COL11A1: variants seen among roughly 807,000 people sequenced by gnomAD.
COL11A1 encodes the protein collagen type XI alpha 1 chain.
Under a neutral mutation model 265.2 loss-of-function variants are expected in COL11A1, and 74 were observed. That is an observed-to-expected ratio of 0.28 (90% CI 0.23 to 0.34). The LOEUF (loss-of-function observed/expected upper bound fraction) is 0.34, where lower values mean the gene tolerates loss of function less well. Among genes scored for constraint, COL11A1 ranks in the 10% least tolerant of loss-of-function variants. The probability of loss-of-function intolerance (pLI) is 1.00; values close to 1 mark genes in which losing one functional copy is unlikely to be tolerated. For missense variants in COL11A1, 2,165 were observed against 2,263.6 expected, an observed-to-expected ratio of 0.96 and a Z score of 0.88; for synonymous variants, 816 against 727.6, an observed-to-expected ratio of 1.12 and a Z score of -1.96.
chr1:103,035,372 CA>C (rs1668284116), intron 4 of COL11A1, among the ~76,000 whole-genome samples: 1 of 152,126 alleles, frequency 6.6e-6, no homozygotes, highest in Middle Eastern at 3.4e-3. Context: ...ATTATCACCA[CA>C]AAAATGAGCA....
intron 30 of COL11A1, among the ~76,000 whole-genome samples, chr1:102,986,545 A>G (rs540324606): frequency 1.1e-4 from 16 of 152,170 alleles, no homozygotes; most frequent in Non-Finnish European, 1.9e-4. Context: ...ATTAAAGTAT[A>G]GTAAAAAATA....
intron 1 of COL11A1, among the ~76,000 whole-genome samples, chr1:103,087,364 A>G (rs6577351): frequency 0.2 from 31,044 of 152,114 alleles, 4,991 homozygotes; most frequent in African/African-American, 0.45. Flanking sequence ...TTTCCCATCA[A>G]TCTTCATTCC....
intron 4 of COL11A1, among the ~76,000 whole-genome samples, chr1:103,074,321 T>G (rs989000455): frequency 1.3e-5 from 2 of 151,924 alleles, no homozygotes; most frequent in African/African-American, 4.8e-5. Flanking sequence ...GCAAAGAAAA[T>G]AATACAAACT....
At chr1:102,987,284 A>T (rs1370667017) in intron 30 of COL11A1, among the ~76,000 whole-genome samples, 1 of 151,770 alleles carries the variant, frequency 6.6e-6, no homozygotes, top group African/African-American at 2.4e-5. Flanking sequence ...ATATGAAAGA[A>T]AAGGAATCAT....
At chr1:102,987,846 T>A (rs971326761) in intron 29 of COL11A1, 106 bp from the exon 30 acceptor site, 5 of 835,652 alleles carry the variant, frequency 6.0e-6, no homozygotes, top group Non-Finnish European at 6.1e-6. Flanking sequence ...ATAAACTCCA[T>A]CTTGCCTTTT....
At position 102,898,159 on chromosome 1, in the gene COL11A1, C is replaced by T; in HGVS notation, c.4268G>A (p.Gly1423Glu). The change falls in exon 57 of 67, where the codon GGA becomes GAA. Residue 1423 changes from glycine to glutamate, a missense_variant. Physicochemically the swap from Gly to Glu is moderately conservative, Grantham distance 98 (BLOSUM62 -2). Transcript: ENST00000370096. ...AGGTGGTCCATCTTGGCCTGCAGCT[C>T]CAGGGAGACCTTGTTCTCCCTAGAG... is the stretch of plus-strand genomic sequence containing the variant. Reference protein sequence around the residue: ...PGPVGEQGLPGAAGQDGPPGP... With the variant: ...PGPVGEQGLPEAAGQDGPPGP... 4.7e-6 allele frequency: 7 copies of T among 1,478,382 alleles called. No homozygotes were observed. The highest frequency in any genetic ancestry group is 6.3e-6 in the Non-Finnish European group (7 of 1,105,082). The allele number at this position is 1,478,382 out of a possible 1,614,324, so 91.6% of individuals were successfully genotyped here. A position where few individuals can be genotyped will look rare whatever the true frequency, so the allele number is the denominator to read the frequency against.
chr1:102,886,690 CT>C, intron 63 of COL11A1, 116 bp downstream of exon 63: 1 of 1,388,276 alleles, frequency 7.2e-7, no homozygotes, highest in Non-Finnish European at 1.0e-6. Flanking sequence ...TAATTAATAA[CT>C]GTTTCATTTT....
At chr1:102,998,723 G>A in intron 24 of COL11A1, among the ~76,000 whole-genome samples, 1 of 151,732 alleles carries the variant, frequency 6.6e-6, no homozygotes, top group East Asian at 1.9e-4. Context: ...GGTAAAGATT[G>A]TATTATTTCC....
At chr1:103,099,863 A>T (rs1175597897) in intron 1 of COL11A1, among the ~76,000 whole-genome samples, 2 of 151,952 alleles carry the variant, frequency 1.3e-5, no homozygotes, top group Non-Finnish European at 2.9e-5. Flanking sequence ...GAATTTAAAA[A>T]AGAGGAGTCA....
chr1:103,049,936 C>A (rs1669656676), intron 4 of COL11A1, among the ~76,000 whole-genome samples: 1 of 152,230 alleles, frequency 6.6e-6, no homozygotes, highest in African/African-American at 2.4e-5. Flanking sequence ...CCCCCACTCT[C>A]TTCTGGCTTG....
At chr1:103,074,585 C>A in intron 4 of COL11A1, 33 bp downstream of exon 4, 3 of 1,609,918 alleles carry the variant, frequency 1.9e-6, no homozygotes, top group South Asian at 2.2e-5. Context: ...TCTGATTTGT[C>A]AATATTCAGC....
At chr1:102,958,423 T>A (rs757965288) in intron 41 of COL11A1, among the ~76,000 whole-genome samples, 2 of 152,206 alleles carry the variant, frequency 1.3e-5, no homozygotes, top group Non-Finnish European at 2.9e-5. Context: ...ATACTTCACA[T>A]CTAGAAAACC....
intron 4 of COL11A1, among the ~76,000 whole-genome samples, chr1:103,042,700 C>A (rs965794883): frequency 6.6e-6 from 1 of 152,032 alleles, no homozygotes; most frequent in Non-Finnish European, 1.5e-5. Context: ...AGAACTACAG[C>A]TCCTCACTGA....
chr1:103,024,489 T>A (rs1571073524), intron 7 of COL11A1, among the ~76,000 whole-genome samples: 2 of 152,304 alleles, frequency 1.3e-5, no homozygotes, highest in African/African-American at 4.8e-5. Flanking sequence ...AATTTTTCAC[T>A]AAAATTAAAT....
At chr1:102,914,621 C>T in intron 51 of COL11A1, 83 bp downstream of exon 51, 2 of 1,106,180 alleles carry the variant, frequency 1.8e-6, no homozygotes, top group South Asian at 1.3e-5. Flanking sequence ...GTTCCAGAGT[C>T]TCAGGATTTC....
In COL11A1 at chr1:102,948,241, A is replaced by T. The variant is rs576329553; in HGVS notation, c.3169-1285T>A. 7.2e-5 allele frequency among the ~76,000 whole-genome samples: 11 copies of T among 152,148 alleles called. 1 individual carries two copies. The highest frequency in any genetic ancestry group is 2.6e-4 in the African/African-American group (11 of 41,570). ...CACAAATCAGTTTAACTTTCATCTT[A>T]TTTTATTCTCACAACAATTCCAGGT... On this transcript the variant is annotated intron_variant, in intron 41 of 66. Coordinates refer to ENST00000370096, the MANE Select transcript of COL11A1 (RefSeq NM_001854.4).
At chr1:103,087,275 A>G (rs1672952961) in intron 1 of COL11A1, among the ~76,000 whole-genome samples, 1 of 152,162 alleles carries the variant, frequency 6.6e-6, no homozygotes, top group East Asian at 1.9e-4. Flanking sequence ...TTGAATACCT[A>G]TAGGTTTATT....
intron 3 of COL11A1, among the ~76,000 whole-genome samples, chr1:103,077,491 G>C (rs1384730456): frequency 6.6e-6 from 1 of 151,824 alleles, no homozygotes; most frequent in Non-Finnish European, 1.5e-5. Context: ...TATCTAATTT[G>C]TTTATAGGAT....
chr1:102,989,339 C>T (rs1457096724), intron 29 of COL11A1, among the ~76,000 whole-genome samples, 179 bp downstream of exon 29: 1 of 151,918 alleles, frequency 6.6e-6, no homozygotes, highest in African/African-American at 2.4e-5. Flanking sequence ...ATTGATACTA[C>T]ACTATCTCCA....
Sources: gnomAD v4.1 joint callset for allele counts (sites outside exome capture counted in the v4.1 genomes callset) on GRCh38, gnomAD v4.1.1 for gene constraint, MANE v1.5 for transcripts, NCBI Gene and HGNC (gene_info 2026-07-23, HGNC 2026-07-21) for gene names.